GABRB1: variants seen among roughly 807,000 people sequenced by gnomAD.
GABRB1 encodes the protein gamma-aminobutyric acid receptor subunit beta-1.
In GABRB1, 17 loss-of-function variants were observed where a neutral mutation model predicts 51.6. That is an observed-to-expected ratio of 0.33 (90% CI 0.23 to 0.49). The LOEUF is 0.49. Ranked by LOEUF, GABRB1 falls within the 20% of genes least tolerant of loss-of-function variation. The pLI, the probability that GABRB1 is intolerant of heterozygous loss-of-function variation, is 0.99. For synonymous variants in GABRB1, 247 were observed against 218.9 expected, an observed-to-expected ratio of 1.13 and a Z score of -1.14; for missense variants, 410 against 600.6, an observed-to-expected ratio of 0.68 and a Z score of 3.32.
At chr4:47,307,795 A>G (rs1239536621) in intron 4 of GABRB1, among the ~76,000 whole-genome samples, 2 of 151,910 alleles carry the variant, frequency 1.3e-5, no homozygotes, top group Non-Finnish European at 2.9e-5. Flanking sequence ...GTATCTAGAG[A>G]ACGAATAGTT....
At chr4:47,031,277 C>T, upstream of GABRB1, 1 of 199,606 alleles carries the variant, frequency 5.0e-6, no homozygotes, top group Non-Finnish European at 1.0e-5. Context: ...CAATCACAGG[C>T]AGCCTTAGCC....
chr4:47,171,438 T>C (rs1718431952), intron 4 of GABRB1, among the ~76,000 whole-genome samples: 1 of 152,166 alleles, frequency 6.6e-6, no homozygotes, highest in Admixed American at 6.6e-5. Flanking sequence ...AAACCATTTA[T>C]GAAATTTTTC....
At chr4:47,170,870 G>A (rs1245408321) in intron 4 of GABRB1, among the ~76,000 whole-genome samples, 1 of 152,058 alleles carries the variant, frequency 6.6e-6, no homozygotes, top group East Asian at 1.9e-4. Context: ...TAGTTGGCTT[G>A]TATTTTAGAG....
chr4:47,208,679 T>C (rs952550305), intron 4 of GABRB1, among the ~76,000 whole-genome samples: 2 of 152,114 alleles, frequency 1.3e-5, no homozygotes, highest in Non-Finnish European at 2.9e-5. Context: ...TGAAAGGCTC[T>C]TCATGGAGAG....
chr4:47,380,087 A>G (rs1443156866), intron 5 of GABRB1, among the ~76,000 whole-genome samples: 2 of 152,172 alleles, frequency 1.3e-5, no homozygotes, highest in Non-Finnish European at 2.9e-5. Flanking sequence ...TTTAATCACT[A>G]GTATTTATTT....
intron 3 of GABRB1, among the ~76,000 whole-genome samples, chr4:47,071,647 CTT>C (rs751213665): frequency 2.1e-5 from 3 of 139,834 alleles, no homozygotes; most frequent in Non-Finnish European, 3.1e-5. Context: ...ATTTTTTTTT[CTT>C]TTTTTTTTTT....
intron 4 of GABRB1, among the ~76,000 whole-genome samples, chr4:47,314,640 G>T (rs1423889130): frequency 1.3e-5 from 2 of 151,712 alleles, no homozygotes; most frequent in Admixed American, 6.6e-5. Flanking sequence ...ACTTTTTGCT[G>T]CACACCTACA....
chr4:47,062,096 G>A (rs900424494), intron 3 of GABRB1, among the ~76,000 whole-genome samples: 17 of 151,980 alleles, frequency 1.1e-4, no homozygotes, highest in Admixed American at 2.6e-4. Context: ...AAGTCCTGGC[G>A]AGCCCACTTA....
intron 4 of GABRB1, among the ~76,000 whole-genome samples, chr4:47,288,508 C>A (rs556613003): frequency 1.3e-5 from 2 of 151,924 alleles, no homozygotes; most frequent in African/African-American, 4.8e-5. Flanking sequence ...ATGATCCGCC[C>A]GCCTCAGCCT....
At chr4:47,233,146 G>C (rs1191644984) in intron 4 of GABRB1, among the ~76,000 whole-genome samples, 1 of 152,130 alleles carries the variant, frequency 6.6e-6, no homozygotes, top group African/African-American at 2.4e-5. Context: ...AAAGTGCTGG[G>C]ATTACAGGCG....
intron 3 of GABRB1, among the ~76,000 whole-genome samples, chr4:47,087,772 T>C (rs1287726160): frequency 6.6e-6 from 1 of 152,162 alleles, no homozygotes; most frequent in Non-Finnish European, 1.5e-5. Flanking sequence ...TAGCATCCTG[T>C]TTTAAGACTT....
intron 5 of GABRB1, among the ~76,000 whole-genome samples, chr4:47,373,033 A>G (rs890239817): frequency 6.6e-6 from 1 of 152,102 alleles, no homozygotes; most frequent in African/African-American, 2.4e-5. Context: ...CTCCCTACAG[A>G]CACAGAGACT....
chr4:47,361,815 A>T (rs78908629), intron 5 of GABRB1, among the ~76,000 whole-genome samples: 7,187 of 152,256 alleles, frequency 0.047, 264 homozygotes, highest in East Asian at 0.15. Context: ...GGGAAATCAA[A>T]AAGTCATGCT....
intron 3 of GABRB1, among the ~76,000 whole-genome samples, chr4:47,069,594 C>T (rs1577878523): frequency 6.6e-6 from 1 of 152,182 alleles, no homozygotes; most frequent in South Asian, 2.1e-4. Flanking sequence ...CACACTCTCT[C>T]CAGCCACACC....
At chr4:47,302,980 T>G (rs1724318371) in intron 4 of GABRB1, among the ~76,000 whole-genome samples, 1 of 152,042 alleles carries the variant, frequency 6.6e-6, no homozygotes, top group Non-Finnish European at 1.5e-5. Context: ...GTACATTTTT[T>G]AACTTTAACA....
chr4:47,032,333 G>T, intron 2 of GABRB1, 84 bp from the exon 3 acceptor site: 1 of 1,244,990 alleles, frequency 8.0e-7, no homozygotes, highest in South Asian at 1.4e-5. Context: ...TAAGAATGGA[G>T]TAAGGGCTGG....
At chr4:47,017,770 A>T (rs1017109113) in intron 1 of GABRB1, among the ~76,000 whole-genome samples, 1 of 152,176 alleles carries the variant, frequency 6.6e-6, no homozygotes, top group Non-Finnish European at 1.5e-5. Flanking sequence ...CTCATCTCTC[A>T]ATCAAAATTT....
intron 5 of GABRB1, among the ~76,000 whole-genome samples, chr4:47,398,773 G>GT (rs199584170): frequency 0.026 from 3,969 of 151,004 alleles, 192 homozygotes; most frequent in African/African-American, 0.092. Context: ...AGGTTTTTTT[G>GT]TTTTTTGTTT....
In GABRB1 at chr4:47,168,932, C is replaced by T. The variant is rs531562978; in HGVS notation, c.461+7463C>T. Among the ~76,000 whole-genome samples the T allele has an allele frequency of 3.3e-5, 5 of 152,206 alleles. No homozygotes were observed. In the South Asian group the frequency reaches 1.0e-3, roughly 32 times the overall value. On this transcript the variant is annotated intron_variant, in intron 4 of 8. Transcript: ENST00000295454. ...TCTTCCCCCTGTGTCTCCACATAATCTTCCCTCTATGTGTATTTGTACTTA... is the reference window on the plus strand; with the variant it reads ...TCTTCCCCCTGTGTCTCCACATAATTTTCCCTCTATGTGTATTTGTACTTA...
Sources: gnomAD v4.1 joint callset for allele counts (sites outside exome capture counted in the v4.1 genomes callset) on GRCh38, gnomAD v4.1.1 for gene constraint, MANE v1.5 for transcripts, NCBI Gene and HGNC (gene_info 2026-07-23, HGNC 2026-07-21) for gene names.